The following DLG2 variants were observed in gnomAD, a reference collection of about 807,000 sequenced individuals.
DLG2 encodes the protein discs large MAGUK scaffold protein 2, also known as disks large homolog 2.
Under a neutral mutation model 132.5 loss-of-function variants are expected in DLG2, and 45 were observed. The observed-to-expected ratio is 0.34, with a 90% CI of 0.27 to 0.44. The LOEUF is 0.44. Ranked by LOEUF, DLG2 falls within the 20% of genes least tolerant of loss-of-function variation. The pLI is 1.00. For missense variants in DLG2, 1,045 were observed against 1,196.9 expected (o/e 0.87, Z 1.87); for synonymous variants, 424 against 419.6 (o/e 1.01, Z -0.13).
At chr11:84,769,230 C>T (rs1383576380) in intron 6 of DLG2, among the ~76,000 whole-genome samples, 1 of 152,004 alleles carries the variant, frequency 6.6e-6, no homozygotes, top group Non-Finnish European at 1.5e-5. Flanking sequence ...TAAAAATCTA[C>T]ACAAAGAAAC....
chr11:85,352,926 T>G (rs57194315), intron 3 of DLG2, among the ~76,000 whole-genome samples: 9,200 of 152,076 alleles, frequency 0.06, 414 homozygotes, highest in African/African-American at 0.12. Context: ...CATAGGCATG[T>G]GCAAGGACTT....
chr11:85,031,974 G>C, intron 6 of DLG2, among the ~76,000 whole-genome samples: 1 of 49,690 alleles, frequency 2.0e-5, no homozygotes, highest in Middle Eastern at 0.017. Context: ...TTTTTTTTTT[G>C]TATTTTCAGT....
chr11:84,750,805 G>A (rs888281626), intron 6 of DLG2, among the ~76,000 whole-genome samples: 20 of 152,148 alleles, frequency 1.3e-4, no homozygotes, highest in African/African-American at 4.6e-4. Flanking sequence ...AGGATGATAT[G>A]TGTAATTTAT....
intron 3 of DLG2, among the ~76,000 whole-genome samples, chr11:85,485,217 G>A (rs933063711): frequency 2.0e-5 from 3 of 152,066 alleles, no homozygotes; most frequent in Non-Finnish European, 4.4e-5. Flanking sequence ...TGGGGAGAGG[G>A]GGGAGGGATA....
intron 18 of DLG2, among the ~76,000 whole-genome samples, chr11:83,656,461 C>G (rs530472145): frequency 2.0e-5 from 3 of 152,164 alleles, no homozygotes; most frequent in Non-Finnish European, 4.4e-5. Context: ...TCCTCCTGAG[C>G]CTGACATTCA....
intron 7 of DLG2, among the ~76,000 whole-genome samples, chr11:84,456,400 A>G (rs1602449378): frequency 6.6e-6 from 1 of 151,302 alleles, no homozygotes; most frequent in Non-Finnish European, 1.5e-5. Flanking sequence ...GATAAATAAC[A>G]TTAATTAATT....
chr11:84,526,776 T>G (rs1333025385), intron 7 of DLG2, among the ~76,000 whole-genome samples: 2 of 111,594 alleles, frequency 1.8e-5, no homozygotes, highest in Non-Finnish European at 3.9e-5. Flanking sequence ...ACTGGGGGTG[T>G]TTTTTTTTTT....
chr11:83,715,713 T>G lies in DLG2; in HGVS notation c.1825+70977A>C, dbSNP rs117974617. Among the ~76,000 whole-genome samples the G allele has an allele frequency of 2.8e-4, 43 of 152,320 alleles. No homozygotes were observed. The East Asian group carries it at 8.3e-3, about 29-fold the overall frequency. The stretch of plus-strand genomic sequence containing the variant: ...TTCCGTGATCCTTCTCTGATTCAGG[T>G]CCTTCCTAGCAATCCAGGCCCGACC... On this transcript the variant is annotated intron_variant, in intron 18 of 27. Transcript: ENST00000376104.
At chr11:84,925,584 T>C (rs531043001) in intron 6 of DLG2, among the ~76,000 whole-genome samples, 60 of 152,262 alleles carry the variant, frequency 3.9e-4, no homozygotes, top group Admixed American at 2.0e-3. Flanking sequence ...GAATATTCCA[T>C]ATTTTAAGGC....
intron 6 of DLG2, among the ~76,000 whole-genome samples, chr11:84,884,870 T>C (rs2087970034): frequency 6.6e-6 from 1 of 152,112 alleles, no homozygotes; most frequent in South Asian, 2.1e-4. Flanking sequence ...TTGAGTAACA[T>C]GCTGAAATCA....
At chr11:83,514,230 G>A (rs896652734) in intron 21 of DLG2, among the ~76,000 whole-genome samples, 3 of 152,158 alleles carry the variant, frequency 2.0e-5, no homozygotes, top group Non-Finnish European at 4.4e-5. Context: ...AGTTCTCCTT[G>A]AAGAAATCCT....
At chr11:84,059,597 T>G in intron 10 of DLG2, 113 bp from the exon 11 acceptor site, 1 of 839,224 alleles carries the variant, frequency 1.2e-6, no homozygotes, top group Non-Finnish European at 1.7e-6. Context: ...CTAAAAAATT[T>G]TAAAATATTT....
At chr11:83,644,751 A>T (rs1018272021) in intron 18 of DLG2, among the ~76,000 whole-genome samples, 1 of 151,872 alleles carries the variant, frequency 6.6e-6, no homozygotes, top group Non-Finnish European at 1.5e-5. Context: ...TATTTCAGTA[A>T]TTTTTTTCTA....
intron 4 of DLG2, among the ~76,000 whole-genome samples, chr11:85,278,514 C>T (rs374957702): frequency 7.6e-4 from 115 of 152,024 alleles, no homozygotes; most frequent in African/African-American, 2.5e-3. Flanking sequence ...GCGGGAGAAT[C>T]GCTTGAACCT....
chr11:83,863,603 C>T (rs1450173396), intron 16 of DLG2, among the ~76,000 whole-genome samples: 1 of 152,064 alleles, frequency 6.6e-6, no homozygotes, highest in Non-Finnish European at 1.5e-5. Flanking sequence ...CAAATCCCTA[C>T]TTGTATCTAC....
At chr11:84,825,284 G>A (rs1566066032) in intron 6 of DLG2, among the ~76,000 whole-genome samples, 1 of 151,846 alleles carries the variant, frequency 6.6e-6, no homozygotes, top group Non-Finnish European at 1.5e-5. Context: ...TTGGTACAAT[G>A]AGGAAGTGAA....
At chr11:84,162,148 T>G (rs915040376) in intron 9 of DLG2, among the ~76,000 whole-genome samples, 1 of 152,108 alleles carries the variant, frequency 6.6e-6, no homozygotes, top group Non-Finnish European at 1.5e-5. Context: ...ATATTTACAT[T>G]TTTATTTCTT....
At chr11:84,608,845 G>T (rs143014326) in intron 6 of DLG2, among the ~76,000 whole-genome samples, 190 of 152,268 alleles carry the variant, frequency 1.2e-3, no homozygotes, top group Non-Finnish European at 2.3e-3. Flanking sequence ...TGTTTCAAGT[G>T]CTATGTAAAT....
intron 7 of DLG2, among the ~76,000 whole-genome samples, chr11:84,479,709 A>G (rs989714368): frequency 1.3e-5 from 2 of 152,164 alleles, no homozygotes; most frequent in Non-Finnish European, 2.9e-5. Context: ...GGCATTAGAA[A>G]AAAATATATT....
Sources: gnomAD v4.1 joint callset for allele counts (sites outside exome capture counted in the v4.1 genomes callset) on GRCh38, gnomAD v4.1.1 for gene constraint, MANE v1.5 for transcripts, NCBI Gene and HGNC (gene_info 2026-07-23, HGNC 2026-07-21) for gene names.